Variants in DCC observed in about 807,000 individuals in gnomAD.
The protein encoded by DCC is DCC netrin 1 receptor, also known as netrin receptor DCC.
DCC carries 58 observed loss-of-function variants against 172.5 expected under a neutral mutation model. That is an observed-to-expected ratio of 0.34 (90% confidence interval 0.27 to 0.42). The LOEUF (loss-of-function observed/expected upper bound fraction) is 0.42. DCC is among the 10% of genes least tolerant of loss of function. The pLI is 1.00. For missense variants in DCC, 1,740 were observed against 1,791.0 expected, an observed-to-expected ratio of 0.97 and a Z score of 0.51; for synonymous variants, 709 against 644.5, an observed-to-expected ratio of 1.10 and a Z score of -1.52.
At chr18:53,055,148 C>CA in intron 5 of DCC, among the ~76,000 whole-genome samples, 1 of 152,180 alleles carries the variant, frequency 6.6e-6, no homozygotes. Context: ...CATGCTTGGC[C>CA]TTGGGGACAC....
At chr18:53,499,736 C>G (rs1182904134) in intron 27 of DCC, among the ~76,000 whole-genome samples, 6 of 152,120 alleles carry the variant, frequency 3.9e-5, no homozygotes, top group Non-Finnish European at 5.9e-5. Flanking sequence ...GGAAAGTTGT[C>G]CATGAATCCT....
At chr18:53,125,811 G>C (rs1468620616) in intron 7 of DCC, among the ~76,000 whole-genome samples, 1 of 152,084 alleles carries the variant, frequency 6.6e-6, no homozygotes, top group African/African-American at 2.4e-5. Flanking sequence ...CTTAACACGA[G>C]TTCCCAGAGA....
intron 26 of DCC, among the ~76,000 whole-genome samples, chr18:53,490,796 G>A (rs995967991): frequency 1.3e-5 from 2 of 152,276 alleles, no homozygotes; most frequent in Admixed American, 6.5e-5. Flanking sequence ...TATTGTATTT[G>A]TTAAAGGGTT....
At chr18:53,407,676 T>C (rs1909755974) in intron 19 of DCC, among the ~76,000 whole-genome samples, 1 of 150,566 alleles carries the variant, frequency 6.6e-6, no homozygotes, top group African/African-American at 2.4e-5. Context: ...TACATAGTAA[T>C]ATATGGATAT....
At chr18:52,695,893 C>T (rs779693989) in intron 1 of DCC, among the ~76,000 whole-genome samples, 13 of 152,160 alleles carry the variant, frequency 8.5e-5, no homozygotes, top group Non-Finnish European at 1.9e-4. Context: ...TGCAAGGCAC[C>T]ACTGGGACCC....
chr18:53,338,962 T>C (rs1230096256), intron 14 of DCC, among the ~76,000 whole-genome samples: 1 of 152,202 alleles, frequency 6.6e-6, no homozygotes, highest in African/African-American at 2.4e-5. Flanking sequence ...AATACAAGTT[T>C]GAACTCTGCT....
chr18:52,963,212 G>T (rs564885983), intron 5 of DCC, among the ~76,000 whole-genome samples: 1 of 151,372 alleles, frequency 6.6e-6, no homozygotes, highest in Non-Finnish European at 1.5e-5. Flanking sequence ...AAGGGATATA[G>T]ATTTTTTTAA....
At chr18:53,021,910 G>A (rs1310770197) in intron 5 of DCC, among the ~76,000 whole-genome samples, 1 of 152,122 alleles carries the variant, frequency 6.6e-6, no homozygotes, top group Non-Finnish European at 1.5e-5. Flanking sequence ...AAAAGTTCTG[G>A]TTTCACCTAC....
chr18:53,414,746 G>T (rs1379446778), intron 20 of DCC, among the ~76,000 whole-genome samples: 3 of 152,140 alleles, frequency 2.0e-5, no homozygotes, highest in Non-Finnish European at 2.9e-5. Context: ...TACTTGAGAG[G>T]CTGAGGCAGG....
At chr18:52,889,426 A>G (rs1351360029) in intron 2 of DCC, among the ~76,000 whole-genome samples, 1 of 152,098 alleles carries the variant, frequency 6.6e-6, no homozygotes, top group Non-Finnish European at 1.5e-5. Context: ...ATACTACTCT[A>G]AATGTGCTGT....
intron 26 of DCC, among the ~76,000 whole-genome samples, chr18:53,487,529 CTTTT>C (rs34404262): frequency 8.3e-6 from 1 of 120,206 alleles, no homozygotes; most frequent in African/African-American, 3.0e-5. Context: ...CCATTTGACT[CTTTT>C]TTTTTTTTTT....
intron 8 of DCC, among the ~76,000 whole-genome samples, chr18:53,176,316 A>G (rs1238451575): frequency 7.5e-6 from 1 of 133,888 alleles, no homozygotes; most frequent in Non-Finnish European, 1.6e-5. Flanking sequence ...ACAAAAGCCA[A>G]AATTGACAAA....
intron 25 of DCC, among the ~76,000 whole-genome samples, chr18:53,477,349 A>C (rs913008848): frequency 6.6e-6 from 1 of 152,122 alleles, no homozygotes; most frequent in African/African-American, 2.4e-5. Flanking sequence ...AGCCCTTTGC[A>C]TCTGAGATGA....
Position 52,830,144 on chromosome 18 carries a change from G to C in DCC, c.413-75900G>C, listed in dbSNP as rs140945450. ...CAAGCCAGGAAGAGAGGAAGATGCA[G>C]TGGAGATACAATAGGAAGCCAAATA... On this transcript the variant is annotated intron_variant, in intron 2 of 28. Coordinates refer to ENST00000442544, the MANE Select transcript of DCC (RefSeq NM_005215.4). Among the ~76,000 whole-genome samples, 201 of 152,278 alleles carry C rather than the reference G, an allele frequency of 1.3e-3. 1 individual carries two copies. Among genetic ancestry groups the C allele is most frequent in the African/African-American group, 4.7e-3 (195 of 41,544 alleles).
At chr18:53,489,508 C>T (rs958806722) in intron 26 of DCC, among the ~76,000 whole-genome samples, 8 of 152,096 alleles carry the variant, frequency 5.3e-5, no homozygotes, top group African/African-American at 1.9e-4. Context: ...AAGCAGAAAA[C>T]ATTTCATGAA....
chr18:52,921,592 G>C (rs1231009415), intron 3 of DCC, among the ~76,000 whole-genome samples: 6 of 151,812 alleles, frequency 4.0e-5, no homozygotes, highest in African/African-American at 1.4e-4. Context: ...CCAGCTATTT[G>C]AGAGGCTGAG....
chr18:52,432,851 G>C (rs560546405), intron 1 of DCC, among the ~76,000 whole-genome samples: 10 of 152,210 alleles, frequency 6.6e-5, no homozygotes, highest in Middle Eastern at 3.4e-3. Context: ...GGCTTATACT[G>C]GCCCAGATAT....
In DCC at chr18:52,752,157, C is replaced by T. The variant is rs766772715; in HGVS notation, c.195C>T (p.Ser65=). The change falls in exon 2 of 29, where the codon TCC becomes TCT. Residue 65 remains serine, a synonymous_variant. Transcript: ENST00000442544. ...GNVLLDCSAE[S]DRGVPVIKWK... is the part of the protein sequence containing the mutation. ...TCCTCCTCGACTGCTCCGCGGAGTC[C>T]GACCGAGGAGTTCCAGTGATCAAGT... 23 of 1,614,092 alleles carry T rather than the reference C, an allele frequency of 1.4e-5. No individual in the cohort carries two copies. The highest frequency in any genetic ancestry group is 1.8e-5 in the Non-Finnish European group (21 of 1,180,014).
intron 2 of DCC, among the ~76,000 whole-genome samples, chr18:52,858,690 C>T (rs567809011): frequency 1.3e-5 from 2 of 152,218 alleles, no homozygotes; most frequent in African/African-American, 2.4e-5. Flanking sequence ...AAAAGGCAAC[C>T]CCATGGGGGA....
Sources: gnomAD v4.1 joint callset for allele counts (sites outside exome capture counted in the v4.1 genomes callset) on GRCh38, gnomAD v4.1.1 for gene constraint, MANE v1.5 for transcripts, NCBI Gene and HGNC (gene_info 2026-07-23, HGNC 2026-07-21) for gene names.